CNTNAP2: variants seen among roughly 807,000 people sequenced by gnomAD.
The protein encoded by CNTNAP2 is contactin associated protein 2, also known as contactin-associated protein-like 2.
In CNTNAP2, 98 loss-of-function variants were observed where a neutral mutation model predicts 155.2. The observed-to-expected ratio is 0.63, with a 90% CI of 0.54 to 0.75. The LOEUF (loss-of-function observed/expected upper bound fraction) is 0.75. Among genes scored for constraint, CNTNAP2 ranks in the 30% least tolerant of loss-of-function variants. The pLI is 0.00. For missense variants in CNTNAP2, 1,727 were observed against 1,688.1 expected (o/e 1.02, Z -0.40); for synonymous variants, 651 against 631.2 (o/e 1.03, Z -0.47).
At chr7:147,030,396 A>G (rs1010774417) in intron 3 of CNTNAP2, among the ~76,000 whole-genome samples, 1 of 152,180 alleles carries the variant, frequency 6.6e-6, no homozygotes, top group Non-Finnish European at 1.5e-5. Flanking sequence ...GAGCCTTGAA[A>G]CTAATTCTGT....
intron 14 of CNTNAP2, among the ~76,000 whole-genome samples, chr7:147,934,165 TGA>T (rs1428086306): frequency 1.3e-5 from 2 of 152,226 alleles, no homozygotes; most frequent in Non-Finnish European, 2.9e-5. Context: ...CTTAAAAATT[TGA>T]GAGAGTAGAT....
Position 146,522,364 on chromosome 7 carries a change from C to T in CNTNAP2, c.98-251907C>T, listed in dbSNP as rs557458005. Among the ~76,000 whole-genome samples the T allele has an allele frequency of 9.2e-5, 14 of 152,002 alleles. No individual in the cohort carries two copies. The East Asian group carries it at 2.3e-3, about 25-fold the overall frequency. ...TATCTCAAGTCAAGCTTTACATTTC[C>T]AAATAGAAATAGTGAACTGCAATGT... On this transcript the variant is annotated intron_variant, in intron 1 of 23. Coordinates refer to ENST00000361727, the MANE Select transcript of CNTNAP2 (RefSeq NM_014141.6).
intron 13 of CNTNAP2, among the ~76,000 whole-genome samples, chr7:147,796,156 T>C (rs1563092240): frequency 1.3e-5 from 2 of 152,194 alleles, no homozygotes; most frequent in African/African-American, 4.8e-5. Context: ...CTCATGAGAA[T>C]AAAAGCTTTA....
chr7:148,025,151 C>A (rs77988955), intron 15 of CNTNAP2, among the ~76,000 whole-genome samples: 6,027 of 152,272 alleles, frequency 0.04, 161 homozygotes, highest in South Asian at 0.12. Flanking sequence ...CAATAACCAG[C>A]TATTGTTCCA....
At chr7:146,319,825 G>A (rs544984022) in intron 1 of CNTNAP2, among the ~76,000 whole-genome samples, 3 of 151,976 alleles carry the variant, frequency 2.0e-5, no homozygotes, top group Non-Finnish European at 4.4e-5. Context: ...CATTCCCATC[G>A]TTCGGGCATG....
chr7:147,132,639 T>A, intron 8 of CNTNAP2, 130 bp downstream of exon 8: 1 of 1,248,324 alleles, frequency 8.0e-7, no homozygotes, highest in Non-Finnish European at 1.1e-6. Context: ...TCAAGACGCT[T>A]ACTTGGTTGT....
chr7:148,157,571 C>CAAAAAA (rs60716582), intron 17 of CNTNAP2, among the ~76,000 whole-genome samples: 6 of 111,200 alleles, frequency 5.4e-5, no homozygotes, highest in Middle Eastern at 4.9e-3. Context: ...GCAGAAGCAG[C>CAAAAAA]AAAAAAAAAA....
intron 12 of CNTNAP2, among the ~76,000 whole-genome samples, chr7:147,567,482 G>T (rs907734416): frequency 5.3e-5 from 8 of 152,122 alleles, no homozygotes; most frequent in Non-Finnish European, 7.3e-5. Flanking sequence ...AGATAAGACA[G>T]GGAAACAAGT....
At chr7:147,009,235 T>C (rs1239586621) in intron 3 of CNTNAP2, among the ~76,000 whole-genome samples, 1 of 152,110 alleles carries the variant, frequency 6.6e-6, no homozygotes, top group African/African-American at 2.4e-5. Context: ...TATTTAGTAG[T>C]GGGAGTAATT....
intron 15 of CNTNAP2, among the ~76,000 whole-genome samples, chr7:148,107,007 A>T (rs981311022): frequency 1.3e-5 from 2 of 152,088 alleles, no homozygotes; most frequent in African/African-American, 4.8e-5. Flanking sequence ...TAGCCCCCCA[A>T]ATGAAAAGTG....
chr7:148,337,476 T>A (rs1177932), intron 21 of CNTNAP2, among the ~76,000 whole-genome samples: 112,085 of 152,042 alleles, frequency 0.74, 42,018 homozygotes, highest in Non-Finnish European at 0.81. Context: ...TCAGGTGATT[T>A]CGATGTGAAA....
At chr7:147,410,739 A>G (rs1409776806) in intron 10 of CNTNAP2, among the ~76,000 whole-genome samples, 5 of 75,998 alleles carry the variant, frequency 6.6e-5, no homozygotes, top group African/African-American at 1.3e-4. Flanking sequence ...TGAATACTTC[A>G]TACACACACA....
intron 12 of CNTNAP2, among the ~76,000 whole-genome samples, chr7:147,610,940 G>A (rs142494742): frequency 3.9e-5 from 6 of 152,040 alleles, no homozygotes; most frequent in Admixed American, 6.6e-5. Context: ...GAGTTTTGCC[G>A]TGTTGCCCAG....
chr7:147,165,168 A>ATT (rs11377733), intron 8 of CNTNAP2, among the ~76,000 whole-genome samples: 6 of 151,454 alleles, frequency 4.0e-5, no homozygotes, highest in East Asian at 3.9e-4. Flanking sequence ...GTATTTTTTG[A>ATT]TTTTTTTTTC....
rs192628216 is a variant in CNTNAP2 at position 148,162,505 on chromosome 7, T to C, written c.2774-9737T>C. On this transcript the variant is annotated intron_variant, in intron 17 of 23. Coordinates refer to ENST00000361727, the MANE Select transcript of CNTNAP2 (RefSeq NM_014141.6). ...TATCCATCATCCACCATTTTAGCAG[T>C]GGCCAAAGCCCATAACTGCCTTGGT... 3.9e-5 allele frequency among the ~76,000 whole-genome samples: 6 copies of C among 152,348 alleles called. No homozygotes were observed. The East Asian group carries it at 1.2e-3, about 29-fold the overall frequency.
chr7:147,326,515 G>C (rs1227624854), intron 9 of CNTNAP2, among the ~76,000 whole-genome samples: 1 of 152,152 alleles, frequency 6.6e-6, no homozygotes, highest in East Asian at 1.9e-4. Context: ...ATTTGTTTGA[G>C]CCTCTGCTTC....
At chr7:146,975,409 G>C (rs1160066767) in intron 3 of CNTNAP2, among the ~76,000 whole-genome samples, 1 of 152,164 alleles carries the variant, frequency 6.6e-6, no homozygotes, top group Non-Finnish European at 1.5e-5. Context: ...AGGTTAAAGT[G>C]AGCCAAGATC....
chr7:147,996,147 G>A (rs780585003), intron 15 of CNTNAP2, among the ~76,000 whole-genome samples: 7 of 152,164 alleles, frequency 4.6e-5, no homozygotes, highest in Non-Finnish European at 1.0e-4. Context: ...TGCAAGCTTG[G>A]TTTCTCTAAT....
At chr7:147,802,134 G>T (rs1281575254) in intron 13 of CNTNAP2, among the ~76,000 whole-genome samples, 1 of 149,876 alleles carries the variant, frequency 6.7e-6, no homozygotes, top group Non-Finnish European at 1.5e-5. Context: ...TCACCTCCCA[G>T]ACGGGGTCGC....
Sources: allele counts gnomAD v4.1 joint callset (sites outside exome capture counted in the v4.1 genomes callset), GRCh38; gene constraint gnomAD v4.1.1; transcripts MANE v1.5; gene names NCBI Gene and HGNC (gene_info 2026-07-23, HGNC 2026-07-21).